LRTM2: variants seen among roughly 807,000 people sequenced by gnomAD.
The protein encoded by LRTM2 is leucine rich repeat transmembrane protein 2.
LRTM2 carries 18 observed loss-of-function variants against 28.1 expected under a neutral mutation model. The ratio of observed to expected loss-of-function variants is 0.64; its 90% CI spans 0.44 to 0.95. LRTM2 has a LOEUF of 0.95. Among genes scored for constraint, LRTM2 ranks in the 40% least tolerant of loss-of-function variants. LRTM2 has a pLI of 0.00. For synonymous variants in LRTM2, 250 were observed against 218.7 expected, an observed-to-expected ratio of 1.14 and a Z score of -1.26; for missense variants, 436 against 497.2, an observed-to-expected ratio of 0.88 and a Z score of 1.17.
At position 1,834,692 on chromosome 12, in the gene LRTM2, G is replaced by A. The variant is rs1164210408; in HGVS notation, c.1084G>A (p.Asp362Asn). 5 of 1,601,348 alleles carry A rather than the reference G, an allele frequency of 3.1e-6. No individual in the cohort carries two copies. In the African/African-American group the frequency reaches 5.3e-5, roughly 17 times the overall value. Residue 362 changes from aspartate to asparagine, a missense_variant, in exon 5 of 5, where the codon GAC (aspartate) becomes AAC (asparagine). Coordinates refer to ENST00000299194, the MANE Select transcript of LRTM2 (RefSeq NM_001039029.3). The surrounding 1 kb of genome is among the most constrained non-coding windows in gnomAD (Gnocchi z 7.6). Reference sequence around the variant, plus strand: ...GGGGGACCCCGAGGGCGAGCACGAGGACCAGAAGCAGATCTCTTCTGTGGC... The same window carrying A: ...GGGGGACCCCGAGGGCGAGCACGAGAACCAGAAGCAGATCTCTTCTGTGGC... ...LMGDPEGEHE[D>N]QKQISSVA
At chr12:1,827,924 G>A (rs964828299) in intron 2 of LRTM2, 152 bp from the exon 3 acceptor site, 7 of 411,284 alleles carry the variant, frequency 1.7e-5, no homozygotes, top group Non-Finnish European at 2.6e-5. Flanking sequence ...AGGCTTCCTG[G>A]CTCCTCTTCT....
Position 1,828,235 on chromosome 12 carries a change from C to G in LRTM2, c.67+20C>G. 14 of 1,494,958 alleles carry G rather than the reference C, an allele frequency of 9.4e-6. No individual in the cohort carries two copies. Among genetic ancestry groups the G allele is most frequent in the Non-Finnish European group, 1.2e-5 (13 of 1,109,642 alleles). 92.6% of individuals were successfully genotyped at this position (1,494,958 alleles called of 1,614,324 possible). On this transcript the variant is annotated intron_variant, in intron 3 of 4. Coordinates refer to ENST00000299194, the MANE Select transcript of LRTM2 (RefSeq NM_001039029.3). The surrounding 1 kb of genome is among the most constrained non-coding windows in gnomAD (Gnocchi z 4.2). ...TCTCCTGTGAGTACACCCCTGGCCTCGGAGGGGGGTGCGGGTTGGGTGGGG... is the reference window on the plus strand; with the variant it reads ...TCTCCTGTGAGTACACCCCTGGCCTGGGAGGGGGGTGCGGGTTGGGTGGGG...
intron 1 of LRTM2, among the ~76,000 whole-genome samples, chr12:1,823,465 G>A (rs1864192694): frequency 1.3e-5 from 2 of 152,084 alleles, no homozygotes; most frequent in Admixed American, 1.3e-4. Flanking sequence ...CTAGCAGGGA[G>A]GCAGCTCCCA....
rs1041669657 is a variant in LRTM2, at chr12:1,834,009, G to A, written c.659-258G>A. On this transcript the variant is annotated intron_variant, in intron 4 of 4. Transcript: ENST00000299194. This position sits in a 1 kb window ranked among gnomAD's most constrained non-coding sequence, Gnocchi z 7.6. ...TGGCTGCGTGCTTCTCTATAAAATGGGAATAAAGACAATATCCATTTCACA... is the reference window on the plus strand; with the variant it reads ...TGGCTGCGTGCTTCTCTATAAAATGAGAATAAAGACAATATCCATTTCACA... 1.3e-5 allele frequency among the ~76,000 whole-genome samples: 2 copies of A among 152,168 alleles called. No individual in the cohort carries two copies. Among genetic ancestry groups the A allele is most frequent in the Admixed American group, 6.5e-5 (1 of 15,270 alleles).
Position 1,834,507 on chromosome 12 carries a change from G to A in LRTM2, c.899G>A (p.Arg300Gln), listed in dbSNP as rs1457619081. 7.5e-6 allele frequency: 12 copies of A among 1,607,142 alleles called. No homozygotes were observed. Among genetic ancestry groups the A allele is most frequent in the East Asian group, 4.5e-5 (2 of 44,888 alleles). ...GCCTGCCCACAGAAGCAGAGGCACC[G>A]GCCGGCGAGCGTGAGGCGAGCCATG... ...STACPQKQRH[R>Q]PASVRRAMGT... The change falls in exon 5 of 5, where the codon CGG (arginine) becomes CAG (glutamine). Residue 300 changes from arginine to glutamine, a missense_variant. Physicochemically the swap from Arg to Gln is conservative, Grantham distance 43. Transcript: ENST00000299194. This position sits in a 1 kb window ranked among gnomAD's most constrained non-coding sequence, Gnocchi z 7.6.
rs1431266596 is a variant in LRTM2 at position 1,831,151 on chromosome 12, A to G, written c.284A>G (p.Gln95Arg). ...SWAFANLSSLQRLDLSNNFLD... is the reference protein window; with the variant it reads ...SWAFANLSSLRRLDLSNNFLD... ...GCTTTCGCCAACCTCTCCAGCCTGC[A>G]GCGGTTGGACCTGTCCAACAACTTC... The change falls in exon 4 of 5, where the codon CAG becomes CGG. Residue 95 changes from glutamine to arginine, a missense_variant. Transcript: ENST00000299194. The G allele has an allele frequency of 6.2e-7, 1 of 1,614,046 alleles. No homozygotes were observed. Among genetic ancestry groups the G allele is most frequent in the Non-Finnish European group, 8.5e-7 (1 of 1,180,036 alleles).
intron 2 of LRTM2, chr12:1,827,874 G>GA (rs1203905798): frequency 2.6e-6 from 1 of 382,426 alleles, no homozygotes; most frequent in African/African-American, 2.1e-5. Flanking sequence ...CGGGCTCCTG[G>GA]AAAGCCGAAG....
At chr12:1,824,161 G>A (rs1192883491) in intron 1 of LRTM2, among the ~76,000 whole-genome samples, 2 of 152,172 alleles carry the variant, frequency 1.3e-5, no homozygotes, top group African/African-American at 4.8e-5. Flanking sequence ...GGTCCTGGAG[G>A]CTCAGGGACA....
At position 1,834,045 on chromosome 12, in the gene LRTM2, G is replaced by A. The variant is rs932359080; in HGVS notation, c.659-222G>A. On this transcript the variant is annotated intron_variant, in intron 4 of 4. Coordinates refer to ENST00000299194, the MANE Select transcript of LRTM2 (RefSeq NM_001039029.3). This position sits in a 1 kb window ranked among gnomAD's most constrained non-coding sequence, Gnocchi z 7.6. ...AATATCCATTTCACATGGCTTCTGC[G>A]AGGATGAAATGGCACGATATACGTA... 2.6e-5 allele frequency among the ~76,000 whole-genome samples: 4 copies of A among 152,210 alleles called. No homozygotes were observed. Among genetic ancestry groups the A allele is most frequent in the Admixed American group, 6.5e-5 (1 of 15,284 alleles).
At chr12:1,826,407 C>A (rs1037276791) in intron 1 of LRTM2, among the ~76,000 whole-genome samples, 2 of 59,482 alleles carry the variant, frequency 3.4e-5, no homozygotes, top group Non-Finnish European at 4.5e-5. Context: ...AGAGCCCCCC[C>A]CCCCCCCCCG....
At position 1,834,553 on chromosome 12, in the gene LRTM2, G is replaced by C; in HGVS notation, c.945G>C (p.Gly315=). 3.1e-6 allele frequency: 5 copies of C among 1,603,154 alleles called. No homozygotes were observed. The highest frequency in any genetic ancestry group is 4.2e-6 in the Non-Finnish European group (5 of 1,179,918). ...RRAMGTVIIA[G]VVCGVVCIMM... ...CCATGGGCACGGTGATCATTGCAGG[G>C]GTCGTGTGCGGCGTCGTCTGCATCA... Residue 315 remains glycine, a synonymous_variant, in exon 5 of 5, where the codon GGG becomes GGC. Coordinates refer to ENST00000299194, the MANE Select transcript of LRTM2 (RefSeq NM_001039029.3). This position sits in a 1 kb window ranked among gnomAD's most constrained non-coding sequence, Gnocchi z 7.6.
chr12:1,828,448 A>G lies in LRTM2; in HGVS notation c.67+233A>G, dbSNP rs1353220974. On this transcript the variant is annotated intron_variant, in intron 3 of 4. Coordinates refer to ENST00000299194, the MANE Select transcript of LRTM2 (RefSeq NM_001039029.3). The surrounding 1 kb of genome is among the most constrained non-coding windows in gnomAD (Gnocchi z 4.2). Reference sequence around the variant, plus strand: ...GCTGAGTGGTTAGACCTGGAGCTGGAGGCCACGACAGTTGTTCTACCTCCC... The same window carrying G: ...GCTGAGTGGTTAGACCTGGAGCTGGGGGCCACGACAGTTGTTCTACCTCCC... Among the ~76,000 whole-genome samples, 2 of 152,226 alleles carry G rather than the reference A, an allele frequency of 1.3e-5. No individual in the cohort carries two copies. Among genetic ancestry groups the G allele is most frequent in the Non-Finnish European group, 2.9e-5 (2 of 68,014 alleles).
rs1022138944 is a variant in LRTM2 at position 1,835,744 on chromosome 12, C to T, written c.*1023C>T. ...AGCGGCTGCATGTGTGCATGGCGGC[C>T]TCCTGAGGACCCAGCCACACACCAC... On this transcript the variant is annotated 3_prime_UTR_variant, in exon 5 of 5. Transcript: ENST00000299194. 3 of 152,604 alleles carry T rather than the reference C, an allele frequency of 2.0e-5. No homozygotes were observed. The highest frequency in any genetic ancestry group is 7.2e-5 in the African/African-American group (3 of 41,456). The allele number at this position is 152,604 out of a possible 1,614,324, so 9.5% of individuals were successfully genotyped here. A position where few individuals can be genotyped will look rare whatever the true frequency, so the allele number is the denominator to read the frequency against.
chr12:1,834,749 A>G lies in LRTM2; in HGVS notation c.*28A>G. Reference sequence around the variant, plus strand: ...GCCCATCCCCACCCGGCCAGGTAGGAAGGGCGGGGAGAGCACACGGCATTG... The same window carrying G: ...GCCCATCCCCACCCGGCCAGGTAGGGAGGGCGGGGAGAGCACACGGCATTG... On this transcript the variant is annotated 3_prime_UTR_variant, in exon 5 of 5. Coordinates refer to ENST00000299194, the MANE Select transcript of LRTM2 (RefSeq NM_001039029.3). The surrounding 1 kb of genome is among the most constrained non-coding windows in gnomAD (Gnocchi z 7.6). 2 of 1,560,246 alleles carry G rather than the reference A, an allele frequency of 1.3e-6. No homozygotes were observed. The highest frequency in any genetic ancestry group is 2.3e-5 in the East Asian group (1 of 44,344).
At chr12:1,825,237 T>C (rs988381963) in intron 1 of LRTM2, among the ~76,000 whole-genome samples, 5 of 152,052 alleles carry the variant, frequency 3.3e-5, no homozygotes, top group Admixed American at 2.6e-4. Context: ...CACTGAGGGA[T>C]GGGAGAGGGT....
At position 1,835,659 on chromosome 12, in the gene LRTM2, A is replaced by G. The variant is rs11061994; in HGVS notation, c.*938A>G. The G allele has an allele frequency of 0.14, 20,682 of 152,688 alleles. 1,668 individuals carry two copies. Among genetic ancestry groups the G allele is most frequent in the Non-Finnish European group, 0.18 (11,938 of 68,034 alleles). 9.5% of individuals were successfully genotyped at this position (152,688 alleles called of 1,614,324 possible). On this transcript the variant is annotated 3_prime_UTR_variant, in exon 5 of 5. Coordinates refer to ENST00000299194, the MANE Select transcript of LRTM2 (RefSeq NM_001039029.3). ...CCCCTGGAGGAGCCCTCCTGTCACC[A>G]TGGTAACCCTCTCACACCTCTCCTG...
rs980282244 is a variant in LRTM2 at position 1,824,473 on chromosome 12, C to T, written c.-258-2937C>T. On this transcript the variant is annotated intron_variant, in intron 1 of 4. Coordinates refer to ENST00000299194, the MANE Select transcript of LRTM2 (RefSeq NM_001039029.3). ...CTTCAGCCCCATTCTCCAATCCTGG[C>T]TCTCTCTGGAAGGGAGGCCAGGGAC... 2.6e-5 allele frequency among the ~76,000 whole-genome samples: 4 copies of T among 152,322 alleles called. 1 individual carries two copies. In the East Asian group the frequency reaches 7.7e-4, roughly 29 times the overall value.
At chr12:1,827,894 C>CT in intron 2 of LRTM2, 182 bp from the exon 3 acceptor site, 1 of 400,132 alleles carries the variant, frequency 2.5e-6, no homozygotes, top group East Asian at 3.7e-5. Context: ...GCCTGCCCCG[C>CT]CCCCATCCCA....
intron 1 of LRTM2, among the ~76,000 whole-genome samples, chr12:1,825,840 T>TC (rs35714090): frequency 0.47 from 71,092 of 151,938 alleles, 18,487 homozygotes; most frequent in East Asian, 0.8. Context: ...TGCAATCCAG[T>TC]CCCGGACTTA....
Sources: gnomAD v4.1 joint callset for allele counts (sites outside exome capture counted in the v4.1 genomes callset) on GRCh38, gnomAD v4.1.1 for gene constraint, Gnocchi (gnomAD v3.1) non-coding constraint, MANE v1.5 for transcripts, NCBI Gene and HGNC (gene_info 2026-07-23, HGNC 2026-07-21) for gene names.